Variants in HACE1 observed in about 807,000 individuals in gnomAD.
HACE1 encodes the protein HECT domain and ankyrin repeat containing E3 ubiquitin protein ligase 1, also known as E3 ubiquitin-protein ligase HACE1.
Under a neutral mutation model 118.4 loss-of-function variants are expected in HACE1, and 73 were observed. That is an observed-to-expected ratio of 0.62 (90% CI 0.51 to 0.75). HACE1 has a LOEUF of 0.75. Among genes scored for constraint, HACE1 ranks in the 30% least tolerant of loss-of-function variants. The pLI, the probability that HACE1 is intolerant of heterozygous loss-of-function variation, is 0.00. For synonymous variants in HACE1, 368 were observed against 374.8 expected (o/e 0.98, Z 0.21); for missense variants, 749 against 1,102.2 (o/e 0.68, Z 4.54).
At chr6:104,793,124 G>T (rs1468120390) in intron 10 of HACE1, among the ~76,000 whole-genome samples, 1 of 151,902 alleles carries the variant, frequency 6.6e-6, no homozygotes, top group Non-Finnish European at 1.5e-5. Context: ...AAAATTAGCC[G>T]GGCGTGGTGG....
chr6:104,749,548 T>G lies in HACE1; in HGVS notation c.2343+793A>C, dbSNP rs190188339. 2.5e-3 allele frequency among the ~76,000 whole-genome samples: 386 copies of G among 152,256 alleles called. 2 individuals carry two copies. The highest frequency in any genetic ancestry group is 8.9e-3 in the African/African-American group (369 of 41,576). The stretch of plus-strand genomic sequence containing the variant: ...GAAAGGCATGGGGTAAAACTAATTT[T>G]CTGAGACAGAATAAAAACTAAATAA... On this transcript the variant is annotated intron_variant, in intron 20 of 23. Coordinates refer to ENST00000262903, the MANE Select transcript of HACE1 (RefSeq NM_020771.4).
intron 7 of HACE1, among the ~76,000 whole-genome samples, chr6:104,799,753 G>T (rs116587914): frequency 1.1e-4 from 16 of 151,930 alleles, no homozygotes; most frequent in African/African-American, 3.9e-4. Flanking sequence ...TTAGTCTCAA[G>T]ACTCCCATTC....
In HACE1 at chr6:104,804,877, G is replaced by C. The variant is rs568474573; in HGVS notation, c.617+6434C>G. On this transcript the variant is annotated intron_variant, in intron 7 of 23. Coordinates refer to ENST00000262903, the MANE Select transcript of HACE1 (RefSeq NM_020771.4). ...ACAAATGGGATCTAATTAAACTAAA[G>C]AGCTTCTGCACAGCAAAAGAAACTA... Among the ~76,000 whole-genome samples, 346 of 152,252 alleles carry C rather than the reference G, an allele frequency of 2.3e-3. 1 individual carries two copies. Among genetic ancestry groups the C allele is most frequent in the African/African-American group, 8.1e-3 (337 of 41,554 alleles).
chr6:104,823,591 T>C (rs1773011825), intron 6 of HACE1, among the ~76,000 whole-genome samples: 1 of 152,022 alleles, frequency 6.6e-6, no homozygotes, highest in Non-Finnish European at 1.5e-5. Context: ...AATAGCGCAC[T>C]TGCAGATAAA....
At chr6:104,730,967 C>T (rs1426812097) in intron 22 of HACE1, 1 of 157,032 alleles carries the variant, frequency 6.4e-6, no homozygotes, top group African/African-American at 2.4e-5. Context: ...TCTTTATGTT[C>T]CTCTTTGATT....
At chr6:104,843,772 C>G (rs1280102038) in intron 4 of HACE1, among the ~76,000 whole-genome samples, 1 of 151,898 alleles carries the variant, frequency 6.6e-6, no homozygotes, top group Non-Finnish European at 1.5e-5. Flanking sequence ...GTCTATGCAT[C>G]CCTCTACTCA....
At chr6:104,846,126 A>T (rs1775647576) in intron 4 of HACE1, among the ~76,000 whole-genome samples, 2 of 152,222 alleles carry the variant, frequency 1.3e-5, no homozygotes, top group Admixed American at 1.3e-4. Flanking sequence ...ATGAATTGCA[A>T]AAGGTACAGG....
intron 19 of HACE1, among the ~76,000 whole-genome samples, chr6:104,751,819 G>A (rs982292453): frequency 2.0e-5 from 3 of 151,512 alleles, no homozygotes; most frequent in Admixed American, 6.6e-5. Flanking sequence ...TGCTATAGCA[G>A]GTATATAGCT....
At chr6:104,737,468 T>C (rs977569804) in intron 22 of HACE1, among the ~76,000 whole-genome samples, 68 of 152,132 alleles carry the variant, frequency 4.5e-4, no homozygotes, top group African/African-American at 1.5e-3. Flanking sequence ...TCAGTGGGTG[T>C]GCGCACCGTG....
At chr6:104,737,487 G>A (rs866712806) in intron 22 of HACE1, among the ~76,000 whole-genome samples, 5 of 152,114 alleles carry the variant, frequency 3.3e-5, no homozygotes, top group Non-Finnish European at 5.9e-5. Context: ...TGCGCGAGCC[G>A]AAGCAGGGCG....
rs1774976385 is a variant in HACE1, at chr6:104,729,506, AAG to A, written c.*154_*155del. The A allele has an allele frequency of 1.5e-6, 1 of 649,746 alleles. No homozygotes were observed. Among genetic ancestry groups the A allele is most frequent in the African/African-American group, 1.8e-5 (1 of 55,170 alleles). 40.2% of individuals were successfully genotyped at this position (649,746 alleles called of 1,614,324 possible). A position where few individuals can be genotyped will look rare whatever the true frequency, so the allele number is the denominator to read the frequency against. ...CAAACAGAGAAAACATAAAAGGGAA[AAG>A]AGAGAAACAGAAAACCTGATGATCC... On this transcript the variant is annotated 3_prime_UTR_variant, in exon 24 of 24. Coordinates refer to ENST00000262903, the MANE Select transcript of HACE1 (RefSeq NM_020771.4).
intron 19 of HACE1, among the ~76,000 whole-genome samples, chr6:104,764,073 G>A (rs1045936058): frequency 9.9e-5 from 15 of 152,026 alleles, no homozygotes; most frequent in African/African-American, 3.4e-4. Context: ...AAAAAGTACT[G>A]CACACTTTTT....
intron 5 of HACE1, among the ~76,000 whole-genome samples, chr6:104,834,947 C>G (rs1774378409): frequency 6.6e-6 from 1 of 152,324 alleles, no homozygotes; most frequent in Admixed American, 6.5e-5. Flanking sequence ...AAAACAGTCT[C>G]TAGATAAGAG....
intron 11 of HACE1, 152 bp downstream of exon 11, chr6:104,791,352 G>A: frequency 1.4e-6 from 1 of 690,506 alleles, no homozygotes; most frequent in East Asian, 2.6e-5. Flanking sequence ...AGACAGAGTT[G>A]AGAGGAGAAA....
intron 2 of HACE1, 87 bp downstream of exon 2, chr6:104,852,230 C>CGT (rs755492842): frequency 0.16 from 114,154 of 696,606 alleles, 10,654 homozygotes; most frequent in African/African-American, 0.31. Flanking sequence ...TGTGTGTGTG[C>CGT]GCGCGTGCGC....
At chr6:104,797,078 T>C (rs1769736332) in intron 7 of HACE1, 53 bp from the exon 8 acceptor site, 3 of 968,298 alleles carry the variant, frequency 3.1e-6, no homozygotes, top group African/African-American at 1.6e-5. Flanking sequence ...AGTCTTTCTC[T>C]ATGAATTATG....
At chr6:104,751,875 T>G (rs1196304823) in intron 19 of HACE1, among the ~76,000 whole-genome samples, 1 of 148,438 alleles carries the variant, frequency 6.7e-6, no homozygotes, top group Non-Finnish European at 1.5e-5. Context: ...AAACTCTGTT[T>G]TAGCCCTCTT....
At chr6:104,736,377 C>A (rs190727104) in intron 22 of HACE1, among the ~76,000 whole-genome samples, 215 of 152,152 alleles carry the variant, frequency 1.4e-3, no homozygotes, top group African/African-American at 4.9e-3. Flanking sequence ...CTCCACCTCC[C>A]AGGCTCAAGT....
chr6:104,831,994 GGAAGGAAGGA>G (rs1774023199), intron 6 of HACE1, among the ~76,000 whole-genome samples: 4 of 77,558 alleles, frequency 5.2e-5, no homozygotes, highest in African/African-American at 1.4e-4. Context: ...AAGGAAGGAA[GGAAGGAAGGA>G]AGGAAGGAAG....
Sources: gnomAD v4.1 joint callset for allele counts (sites outside exome capture counted in the v4.1 genomes callset) on GRCh38, gnomAD v4.1.1 for gene constraint, MANE v1.5 for transcripts, NCBI Gene and HGNC (gene_info 2026-07-23, HGNC 2026-07-21) for gene names.